RUFY3: variants seen among roughly 807,000 people sequenced by gnomAD.
The protein encoded by RUFY3 is protein RUFY3.
A neutral mutation model predicts 84.0 loss-of-function variants in RUFY3; 34 were observed. The ratio of observed to expected loss-of-function variants is 0.40; its 90% CI spans 0.31 to 0.54. The LOEUF is 0.54. Among genes scored for constraint, RUFY3 ranks in the 20% least tolerant of loss-of-function variants. The pLI is 0.39. For synonymous variants in RUFY3, 242 were observed against 252.9 expected (o/e 0.96, Z 0.41); for missense variants, 507 against 736.8 (o/e 0.69, Z 3.61).
chr4:70,792,740 T>G (rs1035538406), intron 12 of RUFY3: 1 of 985,426 alleles, frequency 1.0e-6, no homozygotes, highest in Non-Finnish European at 1.2e-6. Context: ...AGATTCCATG[T>G]GTGCTTATAT....
chr4:70,710,143 A>G (rs1740809626), intron 1 of RUFY3, among the ~76,000 whole-genome samples: 1 of 152,220 alleles, frequency 6.6e-6, no homozygotes, highest in African/African-American at 2.4e-5. Flanking sequence ...TTCGAAATAT[A>G]CATGTAAACC....
intron 8 of RUFY3, among the ~76,000 whole-genome samples, chr4:70,780,512 T>C (rs1444539189): frequency 1.3e-5 from 2 of 152,120 alleles, no homozygotes; most frequent in South Asian, 2.1e-4. Flanking sequence ...AGGCTGGTCT[T>C]GAGCTCCCGG....
At chr4:70,757,934 A>G (rs1352953326) in intron 1 of RUFY3, among the ~76,000 whole-genome samples, 1 of 152,268 alleles carries the variant, frequency 6.6e-6, no homozygotes, top group African/African-American at 2.4e-5. Context: ...AAAATTTTAA[A>G]TCATTTTTCT....
At chr4:70,782,921 A>G (rs924256975) in intron 8 of RUFY3, among the ~76,000 whole-genome samples, 170 bp from the exon 9 acceptor site, 1 of 152,156 alleles carries the variant, frequency 6.6e-6, no homozygotes, top group Non-Finnish European at 1.5e-5. Flanking sequence ...CAGAAAAATA[A>G]AGAAAAATAT....
intron 12 of RUFY3, chr4:70,792,249 C>G (rs1315657119): frequency 6.1e-6 from 6 of 985,042 alleles, no homozygotes; most frequent in Non-Finnish European, 6.0e-6. Flanking sequence ...TACCTGGAAA[C>G]ATTTACTTAA....
chr4:70,777,269 T>C (rs1386844810), intron 7 of RUFY3, among the ~76,000 whole-genome samples: 2 of 152,300 alleles, frequency 1.3e-5, no homozygotes, highest in South Asian at 2.1e-4. Context: ...ACTACTGTAT[T>C]TTCAGAATTT....
intron 1 of RUFY3, among the ~76,000 whole-genome samples, chr4:70,759,275 C>G (rs143512896): frequency 5.8e-4 from 89 of 152,244 alleles, no homozygotes; most frequent in African/African-American, 2.0e-3. Flanking sequence ...CTGTCCCAGA[C>G]TTATTTCACT....
chr4:70,755,336 C>T (rs934113816), intron 1 of RUFY3, among the ~76,000 whole-genome samples: 6 of 152,144 alleles, frequency 3.9e-5, no homozygotes, highest in Non-Finnish European at 8.8e-5. Context: ...ATCAATTATT[C>T]TCTGCCAAGA....
intron 15 of RUFY3, among the ~76,000 whole-genome samples, chr4:70,800,788 A>G (rs1315945964): frequency 7.9e-5 from 12 of 152,206 alleles, no homozygotes; most frequent in Non-Finnish European, 1.5e-4. Flanking sequence ...AGGCCGAGGC[A>G]GGAGAATCAC....
intron 4 of RUFY3, among the ~76,000 whole-genome samples, chr4:70,768,050 G>T (rs1439928061): frequency 1.3e-5 from 2 of 151,942 alleles, no homozygotes; most frequent in Non-Finnish European, 2.9e-5. Flanking sequence ...GCTCACTCTG[G>T]TCTCAAAGTC....
At chr4:70,796,439 T>G (rs1404656719) in intron 14 of RUFY3, among the ~76,000 whole-genome samples, 1 of 152,240 alleles carries the variant, frequency 6.6e-6, no homozygotes, top group Non-Finnish European at 1.5e-5. Flanking sequence ...TGTTACAATT[T>G]CTCAAACAAA....
At chr4:70,760,273 G>T (rs1436554311) in intron 1 of RUFY3, among the ~76,000 whole-genome samples, 1 of 152,188 alleles carries the variant, frequency 6.6e-6, no homozygotes, top group Non-Finnish European at 1.5e-5. Flanking sequence ...CTGGAAAAAT[G>T]TCTCAATATG....
At chr4:70,784,334 T>C (rs1729425435) in intron 9 of RUFY3, among the ~76,000 whole-genome samples, 1 of 152,058 alleles carries the variant, frequency 6.6e-6, no homozygotes, top group Non-Finnish European at 1.5e-5. Flanking sequence ...AATACAAAAA[T>C]TAGCCGGGCG....
At chr4:70,804,495 G>A (rs1271317401) in intron 17 of RUFY3, 79 bp downstream of exon 17, 2 of 1,256,524 alleles carry the variant, frequency 1.6e-6, no homozygotes, top group Non-Finnish European at 2.3e-6. Context: ...GAGTAACAGG[G>A]ACTTTCCCGC....
upstream of RUFY3, among the ~76,000 whole-genome samples, chr4:70,718,971 T>A (rs947052615): frequency 1.3e-5 from 2 of 152,216 alleles, no homozygotes; most frequent in Non-Finnish European, 2.9e-5. Context: ...TGCCTCAGCC[T>A]CCCACAGTAC....
Position 70,722,158 on chromosome 4 carries a change from A to C in RUFY3, c.-416A>C. On this transcript the variant is annotated 5_prime_UTR_variant, in exon 1 of 18. Coordinates refer to ENST00000381006, the MANE Select transcript of RUFY3 (RefSeq NM_001037442.4). ...TTCTTTTATATTTTTTTTCTGCACA[A>C]AGGAGGAGGATTTTTCACTTACTCA... The C allele has an allele frequency of 4.9e-6, 6 of 1,231,306 alleles. No homozygotes were observed. Among genetic ancestry groups the C allele is most frequent in the Non-Finnish European group, 6.1e-6 (6 of 987,748 alleles). 76.3% of individuals were successfully genotyped at this position (1,231,306 alleles called of 1,614,324 possible).
chr4:70,763,689 C>T lies in RUFY3; in HGVS notation c.470+20C>T. The T allele has an allele frequency of 6.2e-7, 1 of 1,600,168 alleles. No homozygotes were observed. On this transcript the variant is annotated intron_variant, in intron 3 of 17. Coordinates refer to ENST00000381006, the MANE Select transcript of RUFY3 (RefSeq NM_001037442.4). The stretch of plus-strand genomic sequence containing the variant: ...ACTTAAGTAAGTCTAAGGTTGAATT[C>T]CATTTCTCAGGAACAGCATTCTTAT...
intron 1 of RUFY3, among the ~76,000 whole-genome samples, chr4:70,758,851 A>G (rs1724497024): frequency 1.3e-5 from 2 of 152,104 alleles, no homozygotes; most frequent in South Asian, 4.2e-4. Context: ...CATCCTGGTT[A>G]ACACAGTGGA....
upstream of RUFY3, chr4:70,721,922 A>G (rs901624616): frequency 2.4e-5 from 29 of 1,231,652 alleles, no homozygotes; most frequent in South Asian, 1.2e-4. Context: ...TGCTTGCCCT[A>G]CGTTCAGAGC....
Sources: gnomAD v4.1 joint callset for allele counts (sites outside exome capture counted in the v4.1 genomes callset) on GRCh38, gnomAD v4.1.1 for gene constraint, MANE v1.5 for transcripts, NCBI Gene and HGNC (gene_info 2026-07-23, HGNC 2026-07-21) for gene names.